Variants in NUDT14 observed in about 807,000 individuals in gnomAD.
NUDT14 encodes the protein nudix hydrolase 14, also known as uridine diphosphate glucose pyrophosphatase NUDT14.
Under a neutral mutation model 17.5 loss-of-function variants are expected in NUDT14, and 22 were observed. The observed-to-expected ratio is 1.26, with a 90% CI of 0.90 to 1.80. The LOEUF (loss-of-function observed/expected upper bound fraction) is 1.80. Among genes scored for constraint, NUDT14 ranks in the 40% most tolerant of loss-of-function variants. The pLI is 0.00. For missense variants in NUDT14, 296 were observed against 295.6 expected, an observed-to-expected ratio of 1.00 and a Z score of -0.01; for synonymous variants, 129 against 125.8, an observed-to-expected ratio of 1.03 and a Z score of -0.17.
At chr14:105,176,844 C>G in intron 3 of NUDT14, 73 bp from the exon 4 acceptor site, 5 of 1,567,994 alleles carry the variant, frequency 3.2e-6, no homozygotes, top group Non-Finnish European at 4.4e-6. Flanking sequence ...ACAGCCAAGC[C>G]CCCTCCCAGG....
chr14:105,174,226 C>T (rs1889164697), intron 4 of NUDT14, among the ~76,000 whole-genome samples: 1 of 152,060 alleles, frequency 6.6e-6, no homozygotes, highest in African/African-American at 2.4e-5. Context: ...AGGGAAGGAG[C>T]CTGGACTGGC....
At position 105,173,766 on chromosome 14, in the gene NUDT14, T is replaced by A. The variant is rs1889155943; in HGVS notation, c.429-505A>T. 1 of 151,664 alleles carries A rather than the reference T, an allele frequency of 6.6e-6. No individual in the cohort carries two copies. The allele number at this position is 151,664 out of a possible 1,614,324, so 9.4% of individuals were successfully genotyped here. On this transcript the variant is annotated intron_variant, in intron 4 of 4. Transcript: ENST00000392568. This position sits in a 1 kb window ranked among gnomAD's most constrained non-coding sequence, Gnocchi z 4.7. ...GAGCCGGGAAGACCCCAAGCCCCCA[T>A]GAGATTGCAGATCCGGCTGACAACC...
At chr14:105,175,910 C>T in intron 4 of NUDT14, 1 of 1,207,602 alleles carries the variant, frequency 8.3e-7, no homozygotes, top group Non-Finnish European at 1.1e-6. Context: ...TGGTGCTCAG[C>T]TGGTGGGGGT....
chr14:105,174,607 A>AC (rs1889172116), intron 4 of NUDT14, among the ~76,000 whole-genome samples: 1 of 151,796 alleles, frequency 6.6e-6, no homozygotes, highest in African/African-American at 2.4e-5. Flanking sequence ...CCTCCCGCAG[A>AC]CCCCTTCCTG....
intron 1 of NUDT14, among the ~76,000 whole-genome samples, chr14:105,179,703 C>G (rs1468903497): frequency 6.6e-6 from 1 of 152,228 alleles, no homozygotes; most frequent in Non-Finnish European, 1.5e-5. Context: ...ATGTCTCCAC[C>G]TGCTGTACCC....
chr14:105,176,370 T>C (rs1889212390), intron 4 of NUDT14, 164 bp downstream of exon 4: 4 of 650,482 alleles, frequency 6.1e-6, no homozygotes, highest in Admixed American at 2.6e-5. Flanking sequence ...GCCCAGATTC[T>C]GGCCTGGCTT....
Position 105,181,096 on chromosome 14 carries a change from G to T in NUDT14, c.81+33C>A, listed in dbSNP as rs1473362686. 7.4e-6 allele frequency: 6 copies of T among 810,756 alleles called. No individual in the cohort carries two copies. Among genetic ancestry groups the T allele is most frequent in the Non-Finnish European group, 9.1e-6 (6 of 657,192 alleles). 50.2% of individuals were successfully genotyped at this position (810,756 alleles called of 1,614,324 possible). A position where few individuals can be genotyped will look rare whatever the true frequency, so the allele number is the denominator to read the frequency against. ...GCGGGTCGTGGGCCGGGCCGCCGGC[G>T]GGGGCGCGGGGGACGCGGGGGCGCG... On this transcript the variant is annotated intron_variant, in intron 1 of 4. Transcript: ENST00000392568. This position sits in a 1 kb window ranked among gnomAD's most constrained non-coding sequence, Gnocchi z 5.0.
chr14:105,181,174 G>A lies in NUDT14; in HGVS notation c.36C>T (p.Cys12=), dbSNP rs1178773556. The A allele has an allele frequency of 8.5e-7, 1 of 1,182,690 alleles. No individual in the cohort carries two copies. Among genetic ancestry groups the A allele is most frequent in the Non-Finnish European group, 1.1e-6 (1 of 947,862 alleles). The allele number at this position is 1,182,690 out of a possible 1,614,324, so 73.3% of individuals were successfully genotyped here. A position where few individuals can be genotyped will look rare whatever the true frequency, so the allele number is the denominator to read the frequency against. ...GCGGCCGCAGGTAGGGTGAGGCGGC[G>A]CAGCGGCCCACGGACGCCCCCTCGA... is the stretch of plus-strand genomic sequence containing the variant. The part of the protein sequence containing the change: ...ERIEGASVGR[C]AASPYLRPLT... The change falls in exon 1 of 5, where the codon TGC becomes TGT. Residue 12 remains cysteine, a synonymous_variant. Coordinates refer to ENST00000392568, the MANE Select transcript of NUDT14 (RefSeq NM_177533.5). The surrounding 1 kb of genome is among the most constrained non-coding windows in gnomAD (Gnocchi z 5.0).
Position 105,173,423 on chromosome 14 carries a change from G to A in NUDT14, c.429-162C>T. The A allele has an allele frequency of 1.4e-6, 1 of 738,508 alleles. No homozygotes were observed. The highest frequency in any genetic ancestry group is 1.9e-6 in the Non-Finnish European group (1 of 514,872). 45.7% of individuals were successfully genotyped at this position (738,508 alleles called of 1,614,324 possible). ...TCCCACCCGGATTCCCACCTGGTGT[G>A]CACGCCCGTGGCCCCTCCCGCAGCA... On this transcript the variant is annotated intron_variant, in intron 4 of 4. Transcript: ENST00000392568. The surrounding 1 kb of genome is among the most constrained non-coding windows in gnomAD (Gnocchi z 4.7).
At position 105,176,536 on chromosome 14, in the gene NUDT14, G is replaced by C; in HGVS notation, c.426C>G (p.Tyr142Ter). ...CCTGAGGGCCTGGTCCCACTCACCAGTATGTGGCGACCCGGCGCAGATCAG... is the reference window on the plus strand; with the variant it reads ...CCTGAGGGCCTGGTCCCACTCACCACTATGTGGCGACCCGGCGCAGATCAG... ...APSDLRRVATYWSGVGLTGSR... is the reference protein window; with the variant it reads ...APSDLRRVAT The change falls in exon 4 of 5, where the codon TAC becomes TAG. Residue 142 changes from tyrosine (Y) to a stop codon, truncating the protein, a stop_gained and splice_region_variant. Coordinates refer to ENST00000392568, the MANE Select transcript of NUDT14 (RefSeq NM_177533.5). LOFTEE classifies it high-confidence loss of function. The C allele has an allele frequency of 6.2e-7, 1 of 1,611,460 alleles. No individual in the cohort carries two copies. The highest frequency in any genetic ancestry group is 8.5e-7 in the Non-Finnish European group (1 of 1,178,800).
rs1219528479 is a variant in NUDT14 at position 105,173,517 on chromosome 14, C to G, written c.429-256G>C. The G allele has an allele frequency of 5.5e-6, 2 of 360,892 alleles. No individual in the cohort carries two copies. Among genetic ancestry groups the G allele is most frequent in the African/African-American group, 4.2e-5 (2 of 47,792 alleles). The allele number at this position is 360,892 out of a possible 1,614,324, so 22.4% of individuals were successfully genotyped here. On this transcript the variant is annotated intron_variant, in intron 4 of 4. Coordinates refer to ENST00000392568, the MANE Select transcript of NUDT14 (RefSeq NM_177533.5). The surrounding 1 kb of genome is among the most constrained non-coding windows in gnomAD (Gnocchi z 4.7). ...GGTGTTGTCGATGTGATTAAGGACC[C>G]TAACCGGTGACTTGAGCTCATCAGA...
rs183001612 is a variant in NUDT14 at position 105,174,293 on chromosome 14, A to C, written c.429-1032T>G. ...CAGGATGGCAGAGGGGCTGGGCTGC[A>C]TTCTGGAACAGGAGGGGGAGGGCCA... On this transcript the variant is annotated intron_variant, in intron 4 of 4. Transcript: ENST00000392568. Among the ~76,000 whole-genome samples, 290 of 152,020 alleles carry C rather than the reference A, an allele frequency of 1.9e-3. 5 individuals carry two copies. Among genetic ancestry groups the C allele is most frequent in the Admixed American group, 0.013 (198 of 15,282 alleles).
At chr14:105,174,223 G>C (rs989607754) in intron 4 of NUDT14, among the ~76,000 whole-genome samples, 1 of 152,118 alleles carries the variant, frequency 6.6e-6, no homozygotes, top group East Asian at 1.9e-4. Flanking sequence ...CCAAGGGAAG[G>C]AGCCTGGACT....
rs141847132 is a variant in NUDT14 at position 105,176,679 on chromosome 14, C to T, written c.283G>A (p.Gly95Ser). 163 of 1,612,642 alleles carry T rather than the reference C, an allele frequency of 1.0e-4. 1 individual carries two copies. In the Admixed American group the frequency reaches 2.2e-3, roughly 21 times the overall value. Residue 95 changes from glycine to serine, a missense_variant, in exon 4 of 5, where the codon GGC (glycine) becomes AGC (serine). Coordinates refer to ENST00000392568, the MANE Select transcript of NUDT14 (RefSeq NM_177533.5). ...AGCTCAACTGTCACCCCCGCTGAGC[C>T]GGGCAGGGCTGGCTGTAGCTCCCGA... ...GPRELQPALP[G>S]SAGVTVELCA...
rs1157325996 is a variant in NUDT14 at position 105,181,168 on chromosome 14, G to A, written c.42C>T (p.Ala14=). 5 of 1,182,022 alleles carry A rather than the reference G, an allele frequency of 4.2e-6. No homozygotes were observed. The highest frequency in any genetic ancestry group is 3.5e-4 in the Middle Eastern group (1 of 2,878). The allele number at this position is 1,182,022 out of a possible 1,614,324, so 73.2% of individuals were successfully genotyped here. The change falls in exon 1 of 5, where the codon GCC becomes GCT. Residue 14 remains alanine, a synonymous_variant. Coordinates refer to ENST00000392568, the MANE Select transcript of NUDT14 (RefSeq NM_177533.5). This position sits in a 1 kb window ranked among gnomAD's most constrained non-coding sequence, Gnocchi z 5.0. The stretch of plus-strand genomic sequence containing the variant: ...GCGTGAGCGGCCGCAGGTAGGGTGA[G>A]GCGGCGCAGCGGCCCACGGACGCCC... ...IEGASVGRCA[A]SPYLRPLTLH... is the part of the protein sequence containing the mutation.
intron 2 of NUDT14, among the ~76,000 whole-genome samples, chr14:105,177,486 G>C (rs1183628969): frequency 6.6e-6 from 1 of 152,210 alleles, no homozygotes; most frequent in Non-Finnish European, 1.5e-5. Flanking sequence ...CCGGTGGCCT[G>C]AGCAAAGACC....
intron 2 of NUDT14, chr14:105,177,377 C>T (rs587656082): frequency 5.5e-6 from 3 of 545,288 alleles, no homozygotes; most frequent in Middle Eastern, 5.0e-4. Context: ...CCACACTCCT[C>T]GAGCCACGTC....
At chr14:105,180,134 G>A (rs968131492) in intron 1 of NUDT14, among the ~76,000 whole-genome samples, 2 of 152,214 alleles carry the variant, frequency 1.3e-5, no homozygotes, top group Non-Finnish European at 2.9e-5. Context: ...AAGACGGCCC[G>A]GGACTCAGTG....
At position 105,173,185 on chromosome 14, in the gene NUDT14, C is replaced by T; in HGVS notation, c.505G>A (p.Gly169Ser). 2 of 1,610,708 alleles carry T rather than the reference C, an allele frequency of 1.2e-6. No individual in the cohort carries two copies. Among genetic ancestry groups the T allele is most frequent in the Admixed American group, 1.7e-5 (1 of 59,676 alleles). The change falls in exon 5 of 5, where the codon GGT becomes AGT. Residue 169 changes from glycine to serine, a missense_variant. Gly to Ser is a moderately conservative substitution (Grantham distance 56, BLOSUM62 0). Coordinates refer to ENST00000392568, the MANE Select transcript of NUDT14 (RefSeq NM_177533.5). The surrounding 1 kb of genome is among the most constrained non-coding windows in gnomAD (Gnocchi z 4.7). ...TCACCCTCCTCCACCAGGCCCCCAC[C>T]TGGACCGCTACGCTGGGCATCTGTC... ...EVTDAQRSGP[G>S]GGLVEEGELI...
Sources: gnomAD v4.1 joint callset for allele counts (sites outside exome capture counted in the v4.1 genomes callset) on GRCh38, gnomAD v4.1.1 for gene constraint, Gnocchi (gnomAD v3.1) non-coding constraint, MANE v1.5 for transcripts, NCBI Gene and HGNC (gene_info 2026-07-23, HGNC 2026-07-21) for gene names.